Variants in GSK3B observed in about 807,000 individuals in gnomAD.
The protein encoded by GSK3B is glycogen synthase kinase-3 beta.
Under a neutral mutation model 56.4 loss-of-function variants are expected in GSK3B, and 15 were observed. That is an observed-to-expected ratio of 0.27 (90% CI 0.18 to 0.41). The LOEUF (loss-of-function observed/expected upper bound fraction) is 0.41, where lower values mean the gene tolerates loss of function less well. Ranked by LOEUF, GSK3B falls within the 10% of genes least tolerant of loss-of-function variation. The pLI, the probability that GSK3B is intolerant of heterozygous loss-of-function variation, is 1.00. For synonymous variants in GSK3B, 181 were observed against 188.9 expected (o/e 0.96, Z 0.34); for missense variants, 300 against 513.4 (o/e 0.58, Z 4.02).
At chr3:119,917,989 G>A (rs1370101804) in intron 4 of GSK3B, among the ~76,000 whole-genome samples, 1 of 151,972 alleles carries the variant, frequency 6.6e-6, no homozygotes, top group Admixed American at 6.6e-5. Context: ...ATAACCTTAT[G>A]TAATAAGTAC....
chr3:120,081,493 G>A (rs986780585), intron 1 of GSK3B, among the ~76,000 whole-genome samples: 2 of 152,208 alleles, frequency 1.3e-5, no homozygotes, highest in Non-Finnish European at 2.9e-5. Context: ...GTTGCAGTGA[G>A]CCAAGATCGC....
At chr3:120,030,197 T>C (rs954564718) in intron 1 of GSK3B, among the ~76,000 whole-genome samples, 4 of 152,248 alleles carry the variant, frequency 2.6e-5, no homozygotes, top group East Asian at 3.8e-4. Context: ...TATCAGCTTC[T>C]AAACGTTGGG....
intron 2 of GSK3B, among the ~76,000 whole-genome samples, chr3:119,985,966 A>G (rs955970885): frequency 7.2e-5 from 11 of 152,164 alleles, no homozygotes; most frequent in African/African-American, 2.7e-4. Flanking sequence ...AAAACAGCAT[A>G]GTACTGGTAC....
chr3:119,966,187 A>G (rs1389893282), intron 2 of GSK3B, among the ~76,000 whole-genome samples: 1 of 152,166 alleles, frequency 6.6e-6, no homozygotes, highest in Non-Finnish European at 1.5e-5. Flanking sequence ...CTTAGTTCAC[A>G]CTTGATCTTG....
intron 7 of GSK3B, among the ~76,000 whole-genome samples, chr3:119,889,821 A>G (rs1313422736): frequency 6.6e-6 from 1 of 152,142 alleles, no homozygotes; most frequent in African/African-American, 2.4e-5. Flanking sequence ...ATTAAAACAC[A>G]TAGAGTAAAA....
intron 7 of GSK3B, among the ~76,000 whole-genome samples, chr3:119,902,432 A>C (rs1211319710): frequency 6.6e-6 from 1 of 152,044 alleles, no homozygotes; most frequent in African/African-American, 2.4e-5. Context: ...ACAGAGTCTG[A>C]CTCTGCCGCC....
intron 1 of GSK3B, among the ~76,000 whole-genome samples, chr3:120,063,625 G>C (rs1451647728): frequency 6.6e-6 from 1 of 151,830 alleles, no homozygotes; most frequent in Non-Finnish European, 1.5e-5. Flanking sequence ...CTACTTGGGA[G>C]GCTGAGGCAG....
chr3:119,919,478 A>T (rs377720264), intron 4 of GSK3B, among the ~76,000 whole-genome samples: 26 of 150,990 alleles, frequency 1.7e-4, no homozygotes, highest in African/African-American at 6.3e-4. Flanking sequence ...TAATGCCCAG[A>T]GCCAATAGAT....
Position 120,094,387 on chromosome 3 carries a change from C to T in GSK3B, c.-953G>A, listed in dbSNP as rs1559912093. 3.8e-6 allele frequency: 1 copy of T among 265,270 alleles called. No individual in the cohort carries two copies. 16.4% of individuals were successfully genotyped at this position (265,270 alleles called of 1,614,324 possible). A position where few individuals can be genotyped will look rare whatever the true frequency, so the allele number is the denominator to read the frequency against. Reference sequence around the variant, plus strand: ...TCCTTCCTTTGTCACTTGGCCCGGGCGGCGGCGGCGGCGGCGGCGGCACAA... The same window carrying T: ...TCCTTCCTTTGTCACTTGGCCCGGGTGGCGGCGGCGGCGGCGGCGGCACAA... On this transcript the variant is annotated 5_prime_UTR_variant, in exon 1 of 11. Transcript: ENST00000264235.
intron 10 of GSK3B, among the ~76,000 whole-genome samples, chr3:119,840,811 T>G (rs151065670): frequency 2.6e-3 from 398 of 152,350 alleles, no homozygotes; most frequent in African/African-American, 8.5e-3. Flanking sequence ...TTTGTTAGAA[T>G]GATGATGTTA....
chr3:119,833,598 G>A (rs1409610288), intron 10 of GSK3B, among the ~76,000 whole-genome samples: 1 of 151,346 alleles, frequency 6.6e-6, no homozygotes, highest in Non-Finnish European at 1.5e-5. Context: ...TATATTGTTG[G>A]CATATTAGTA....
chr3:119,982,262 A>G (rs914276936), intron 2 of GSK3B, among the ~76,000 whole-genome samples: 2 of 152,234 alleles, frequency 1.3e-5, no homozygotes, highest in Non-Finnish European at 2.9e-5. Flanking sequence ...GAGGAGAACC[A>G]GAGCAGAAAA....
chr3:119,931,871 TTCTC>T (rs1204849939), intron 3 of GSK3B, among the ~76,000 whole-genome samples: 9 of 152,120 alleles, frequency 5.9e-5, no homozygotes, highest in East Asian at 1.9e-4. Context: ...TAGGGAGTAT[TTCTC>T]TCTATGACTC....
At chr3:120,015,660 A>C (rs958092112) in intron 1 of GSK3B, among the ~76,000 whole-genome samples, 11 of 143,744 alleles carry the variant, frequency 7.7e-5, no homozygotes, top group African/African-American at 2.5e-4. Flanking sequence ...AAAAAAAAAA[A>C]AAAAAAAAAA....
intron 7 of GSK3B, among the ~76,000 whole-genome samples, chr3:119,887,047 T>A (rs2056444844): frequency 6.6e-6 from 1 of 152,078 alleles, no homozygotes; most frequent in Non-Finnish European, 1.5e-5. Flanking sequence ...ATAACAGAGG[T>A]CTTTAGCAAC....
At chr3:120,064,864 TG>T (rs766212254) in intron 1 of GSK3B, among the ~76,000 whole-genome samples, 1 of 152,154 alleles carries the variant, frequency 6.6e-6, no homozygotes, top group African/African-American at 2.4e-5. Flanking sequence ...TATGGTCAAC[TG>T]ATGAGTAATA....
At chr3:119,988,965 C>A in intron 2 of GSK3B, among the ~76,000 whole-genome samples, 1 of 152,194 alleles carries the variant, frequency 6.6e-6, no homozygotes. Context: ...TTGTTAAATT[C>A]TAGTGTTGCC....
intron 3 of GSK3B, among the ~76,000 whole-genome samples, chr3:119,940,959 C>G (rs1195283622): frequency 2.6e-5 from 4 of 151,488 alleles, no homozygotes; most frequent in Non-Finnish European, 4.4e-5. Context: ...TATCTCATAC[C>G]TTTTAGCTAT....
chr3:119,859,148 A>G (rs1023889480), intron 9 of GSK3B, among the ~76,000 whole-genome samples: 1 of 151,246 alleles, frequency 6.6e-6, no homozygotes, highest in African/African-American at 2.4e-5. Flanking sequence ...AGGCTTAGTC[A>G]ACACAGAGTT....
Sources: allele counts gnomAD v4.1 joint callset (sites outside exome capture counted in the v4.1 genomes callset), GRCh38; gene constraint gnomAD v4.1.1; transcripts MANE v1.5; gene names NCBI Gene and HGNC (gene_info 2026-07-23, HGNC 2026-07-21).